Variants in PEBP4 observed in about 807,000 individuals in gnomAD.
PEBP4 encodes the protein phosphatidylethanolamine-binding protein 4.
In PEBP4, 22 loss-of-function variants were observed where a neutral mutation model predicts 23.9. The observed-to-expected ratio is 0.92, with a 90% confidence interval of 0.66 to 1.31. The LOEUF (loss-of-function observed/expected upper bound fraction) is 1.31, where lower values mean the gene tolerates loss of function less well. PEBP4 is among the 40% of genes most tolerant of loss of function. PEBP4 has a pLI of 0.00. For synonymous variants in PEBP4, 112 were observed against 99.3 expected, an observed-to-expected ratio of 1.13 and a Z score of -0.76; for missense variants, 324 against 281.7, an observed-to-expected ratio of 1.15 and a Z score of -1.07.
chr8:22,765,836 A>T (rs62494988), intron 4 of PEBP4, among the ~76,000 whole-genome samples: 1 of 126,994 alleles, frequency 7.9e-6, no homozygotes. Flanking sequence ...GTGGATCACC[A>T]CCATTCATGG....
At chr8:22,752,016 C>T (rs1186752140) in intron 4 of PEBP4, among the ~76,000 whole-genome samples, 3 of 152,212 alleles carry the variant, frequency 2.0e-5, no homozygotes, top group Non-Finnish European at 4.4e-5. Flanking sequence ...CCTACCTCAG[C>T]CTCCCGAGTA....
chr8:22,751,057 A>C lies in PEBP4; in HGVS notation c.358-23837T>G, dbSNP rs544139821. Among the ~76,000 whole-genome samples the C allele has an allele frequency of 1.1e-3, 160 of 152,360 alleles. 2 individuals carry two copies. Among genetic ancestry groups the C allele is most frequent in the Non-Finnish European group, 1.9e-3 (131 of 68,032 alleles). ...ACTTGACGCCCACGCAGCGGGCAGA[A>C]GCATGCTCTCGGCTCCAACACACCT... is the stretch of plus-strand genomic sequence containing the variant. On this transcript the variant is annotated intron_variant, in intron 4 of 6. Transcript: ENST00000256404.
intron 3 of PEBP4, among the ~76,000 whole-genome samples, chr8:22,850,328 T>C (rs1389266070): frequency 6.6e-6 from 1 of 152,098 alleles, no homozygotes; most frequent in African/African-American, 2.4e-5. Context: ...GCATCTCGAA[T>C]CAGGACAACC....
chr8:22,837,077 G>T (rs1807219298), intron 3 of PEBP4, among the ~76,000 whole-genome samples: 1 of 152,084 alleles, frequency 6.6e-6, no homozygotes, highest in Admixed American at 6.5e-5. Flanking sequence ...ATCATCTTTC[G>T]ACTCTTCCCT....
At chr8:22,749,832 G>GTTTTTTTT (rs1805213444) in intron 4 of PEBP4, among the ~76,000 whole-genome samples, 1 of 51,016 alleles carries the variant, frequency 2.0e-5, no homozygotes, top group African/African-American at 4.9e-5. Context: ...TTGAGATGGA[G>GTTTTTTTT]TTTCGCTCTT....
intron 4 of PEBP4, among the ~76,000 whole-genome samples, chr8:22,810,249 C>T (rs1391862833): frequency 2.0e-5 from 3 of 152,226 alleles, no homozygotes; most frequent in African/African-American, 4.8e-5. Flanking sequence ...TTCTACAGAA[C>T]CTGACCATTC....
chr8:22,879,980 C>T (rs917079646), intron 3 of PEBP4, among the ~76,000 whole-genome samples: 2 of 152,184 alleles, frequency 1.3e-5, no homozygotes, highest in African/African-American at 4.8e-5. Context: ...CGGTTGTCTC[C>T]GCAGATGAAA....
intron 4 of PEBP4, among the ~76,000 whole-genome samples, chr8:22,781,073 C>T (rs771660276): frequency 3.9e-5 from 6 of 152,218 alleles, no homozygotes; most frequent in Non-Finnish European, 8.8e-5. Flanking sequence ...TTGAAGAGGA[C>T]GGCGCCTGAT....
At chr8:22,906,504 C>A (rs758779584) in intron 3 of PEBP4, among the ~76,000 whole-genome samples, 8 of 152,184 alleles carry the variant, frequency 5.3e-5, no homozygotes, top group South Asian at 2.1e-4. Flanking sequence ...CTCCTTAAAT[C>A]TTTAAAAAAA....
intron 4 of PEBP4, among the ~76,000 whole-genome samples, chr8:22,764,763 C>T (rs1400948391): frequency 6.6e-6 from 1 of 151,954 alleles, no homozygotes; most frequent in Non-Finnish European, 1.5e-5. Context: ...ATCGGTCATA[C>T]ACCCCATGGC....
rs145885822 is a variant in PEBP4, at chr8:22,913,862, G to C, written c.258+6322C>G. Among the ~76,000 whole-genome samples, 1,428 of 152,278 alleles carry C rather than the reference G, an allele frequency of 9.4e-3. 14 individuals are homozygous for C. The highest frequency in any genetic ancestry group is 0.015 in the Non-Finnish European group (1,025 of 68,018). On this transcript the variant is annotated intron_variant, in intron 3 of 6. Coordinates refer to ENST00000256404, the MANE Select transcript of PEBP4 (RefSeq NM_144962.3). ...GTCTTGCTCTGTTGCCCAGGCTGAA[G>C]TGCAGTGGCACAATCATAGCTCCTT... is the stretch of plus-strand genomic sequence containing the variant.
At chr8:22,761,036 C>T (rs1266598433) in intron 4 of PEBP4, among the ~76,000 whole-genome samples, 3 of 152,280 alleles carry the variant, frequency 2.0e-5, no homozygotes, top group Non-Finnish European at 2.9e-5. Flanking sequence ...CTAGGGCCAG[C>T]GGGGAGGCGG....
At chr8:22,917,188 T>A (rs1008154315) in intron 3 of PEBP4, among the ~76,000 whole-genome samples, 3 of 151,948 alleles carry the variant, frequency 2.0e-5, no homozygotes, top group Non-Finnish European at 2.9e-5. Context: ...ATTGCTTCAG[T>A]CACCTTGGAA....
At chr8:22,925,291 G>A (rs888973866) in intron 2 of PEBP4, 2 of 985,302 alleles carry the variant, frequency 2.0e-6, no homozygotes, top group African/African-American at 3.5e-5. Flanking sequence ...TATTCTGGGA[G>A]TCCTGAGAAT....
intron 4 of PEBP4, among the ~76,000 whole-genome samples, chr8:22,753,097 A>C (rs1430032193): frequency 1.3e-5 from 2 of 152,206 alleles, no homozygotes; most frequent in Non-Finnish European, 2.9e-5. Flanking sequence ...AGCTTAGTTC[A>C]GCGCACATTG....
At chr8:22,923,255 T>A (rs550953176) in intron 2 of PEBP4, among the ~76,000 whole-genome samples, 2 of 152,224 alleles carry the variant, frequency 1.3e-5, no homozygotes, top group East Asian at 3.9e-4. Context: ...GTCATGTGGG[T>A]CTCTGTCATG....
At chr8:22,760,506 A>G (rs1190970529) in intron 4 of PEBP4, among the ~76,000 whole-genome samples, 1 of 151,944 alleles carries the variant, frequency 6.6e-6, no homozygotes, top group Non-Finnish European at 1.5e-5. Context: ...GTGAATGAAG[A>G]GGCCATGGGG....
chr8:22,826,787 G>A (rs1806978218), intron 3 of PEBP4, among the ~76,000 whole-genome samples: 1 of 152,198 alleles, frequency 6.6e-6, no homozygotes, highest in African/African-American at 2.4e-5. Context: ...TGGTGGTATT[G>A]ATATGGGTAG....
At chr8:22,854,926 A>G (rs1585308047) in intron 3 of PEBP4, among the ~76,000 whole-genome samples, 4 of 133,324 alleles carry the variant, frequency 3.0e-5, no homozygotes, top group South Asian at 2.9e-4. Flanking sequence ...TGAGATTAGA[A>G]TGTGTGTGTG....
Sources: gnomAD v4.1 joint callset for allele counts (sites outside exome capture counted in the v4.1 genomes callset) on GRCh38, gnomAD v4.1.1 for gene constraint, MANE v1.5 for transcripts, NCBI Gene and HGNC (gene_info 2026-07-23, HGNC 2026-07-21) for gene names.